The following SLC39A11 variants were observed in gnomAD, a reference collection of about 807,000 sequenced individuals.
SLC39A11 encodes solute carrier family 39 member 11.
A neutral mutation model predicts 36.1 loss-of-function variants in SLC39A11; 33 were observed. That is an observed-to-expected ratio of 0.91 (90% confidence interval 0.69 to 1.22). The LOEUF is 1.22. SLC39A11 is among the 50% of genes most tolerant of loss of function. The pLI, the probability that SLC39A11 is intolerant of heterozygous loss-of-function variation, is 0.00. For missense variants in SLC39A11, 432 were observed against 430.3 expected, an observed-to-expected ratio of 1.00 and a Z score of -0.03; for synonymous variants, 166 against 170.3, an observed-to-expected ratio of 0.97 and a Z score of 0.20.
chr17:72,855,926 T>C (rs949466107), intron 5 of SLC39A11, among the ~76,000 whole-genome samples: 1 of 151,034 alleles, frequency 6.6e-6, no homozygotes, highest in African/African-American at 2.4e-5. Context: ...TAGAAGGGGA[T>C]CAACTTATAT....
intron 4 of SLC39A11, among the ~76,000 whole-genome samples, chr17:73,010,689 G>A (rs1243428777): frequency 1.3e-5 from 2 of 152,094 alleles, no homozygotes; most frequent in African/African-American, 2.4e-5. Flanking sequence ...AGCTTCTTAG[G>A]CAAACATAAT....
chr17:72,692,090 A>G (rs2072057166), intron 7 of SLC39A11, among the ~76,000 whole-genome samples: 1 of 150,694 alleles, frequency 6.6e-6, no homozygotes, highest in South Asian at 2.1e-4. Context: ...GGCTCACTGC[A>G]AGCTCTGCCT....
intron 7 of SLC39A11, among the ~76,000 whole-genome samples, chr17:72,677,952 G>A (rs2071347474): frequency 6.6e-6 from 1 of 152,188 alleles, no homozygotes; most frequent in Non-Finnish European, 1.5e-5. Flanking sequence ...GTGCTCCCGT[G>A]TTCTCCTCTT....
At chr17:72,723,321 A>AGTGT (rs10570164) in intron 7 of SLC39A11, among the ~76,000 whole-genome samples, 257 of 148,554 alleles carry the variant, frequency 1.7e-3, no homozygotes, top group African/African-American at 3.7e-3. Flanking sequence ...GGAGTGTAAG[A>AGTGT]GTGTGTGTGT....
At chr17:73,036,024 C>T (rs922505744) in intron 3 of SLC39A11, among the ~76,000 whole-genome samples, 2 of 152,084 alleles carry the variant, frequency 1.3e-5, no homozygotes, top group African/African-American at 4.8e-5. Flanking sequence ...CCCCAAGATG[C>T]TGAGAAGGCA....
intron 4 of SLC39A11, among the ~76,000 whole-genome samples, chr17:72,968,481 G>A (rs2087187327): frequency 6.6e-6 from 1 of 152,142 alleles, no homozygotes; most frequent in Non-Finnish European, 1.5e-5. Flanking sequence ...AGTGACTAAT[G>A]GTCTTTCAGT....
At chr17:73,043,573 T>C (rs961109484) in intron 3 of SLC39A11, among the ~76,000 whole-genome samples, 3 of 152,122 alleles carry the variant, frequency 2.0e-5, no homozygotes, top group Middle Eastern at 3.4e-3. Flanking sequence ...TTCGGCAGGG[T>C]AACGGAGGCA....
At chr17:72,735,413 C>T (rs1276923108) in intron 7 of SLC39A11, among the ~76,000 whole-genome samples, 2 of 152,110 alleles carry the variant, frequency 1.3e-5, no homozygotes, top group Admixed American at 6.6e-5. Flanking sequence ...GTGAGAAATT[C>T]GTTTCTGACA....
At chr17:72,955,496 A>T (rs1425756620) in intron 4 of SLC39A11, among the ~76,000 whole-genome samples, 1 of 140,020 alleles carries the variant, frequency 7.1e-6, no homozygotes, top group African/African-American at 2.6e-5. Flanking sequence ...TTCAGTAGAG[A>T]TGAGGTTTCA....
At chr17:72,715,366 C>T (rs1290888525) in intron 7 of SLC39A11, among the ~76,000 whole-genome samples, 2 of 152,228 alleles carry the variant, frequency 1.3e-5, no homozygotes, top group Non-Finnish European at 2.9e-5. Flanking sequence ...ACAAGCAGCA[C>T]TATTCACAAG....
At chr17:72,741,824 GT>G (rs1568015334) in intron 6 of SLC39A11, among the ~76,000 whole-genome samples, 1 of 152,128 alleles carries the variant, frequency 6.6e-6, no homozygotes, top group African/African-American at 2.4e-5. Flanking sequence ...CATAACTCAA[GT>G]ATCAGAAAGG....
rs977669104 is a variant in SLC39A11 at position 72,822,788 on chromosome 17, C to T, written c.601+26846G>A. Among the ~76,000 whole-genome samples, 4 of 150,840 alleles carry T rather than the reference C, an allele frequency of 2.7e-5. No individual in the cohort carries two copies. The East Asian group carries it at 7.7e-4, about 29-fold the overall frequency. On this transcript the variant is annotated intron_variant, in intron 6 of 9. Coordinates refer to ENST00000255559, the MANE Select transcript of SLC39A11 (RefSeq NM_139177.4). The stretch of plus-strand genomic sequence containing the variant: ...GGAGTGCAGTGGCACGATCATAGCT[C>T]ACTGCAGCTTCAACCTCCTGGGCTC...
chr17:72,695,416 G>T (rs573326653), intron 7 of SLC39A11, among the ~76,000 whole-genome samples: 1 of 152,336 alleles, frequency 6.6e-6, no homozygotes, highest in East Asian at 1.9e-4. Flanking sequence ...AAAACAGGGC[G>T]CTGCACCCCC....
At chr17:72,977,290 G>A (rs899689353) in intron 4 of SLC39A11, among the ~76,000 whole-genome samples, 1 of 152,178 alleles carries the variant, frequency 6.6e-6, no homozygotes, top group African/African-American at 2.4e-5. Context: ...CCGCAGCCCT[G>A]CTGTATCCTG....
At chr17:72,839,363 T>C (rs1204436159) in intron 6 of SLC39A11, 4 of 152,184 alleles carry the variant, frequency 2.6e-5, no homozygotes, top group African/African-American at 9.7e-5. Context: ...GATATGATTA[T>C]CCTGGATAAT....
chr17:72,865,189 T>C (rs971593539), intron 5 of SLC39A11, among the ~76,000 whole-genome samples: 1 of 152,020 alleles, frequency 6.6e-6, no homozygotes, highest in Non-Finnish European at 1.5e-5. Flanking sequence ...GGGGTGAATA[T>C]GGGTCCCAGG....
intron 5 of SLC39A11, among the ~76,000 whole-genome samples, chr17:72,854,604 T>C (rs575310108): frequency 1.3e-5 from 2 of 152,346 alleles, no homozygotes; most frequent in African/African-American, 4.8e-5. Context: ...CACAGGCTTA[T>C]ACTTCTTTTG....
intron 6 of SLC39A11, among the ~76,000 whole-genome samples, chr17:72,762,842 G>A (rs1239629806): frequency 6.6e-6 from 1 of 152,102 alleles, no homozygotes; most frequent in African/African-American, 2.4e-5. Context: ...CAAGCAGAAT[G>A]CCCAGGCGGT....
At chr17:72,925,123 C>T (rs1192522000) in intron 5 of SLC39A11, among the ~76,000 whole-genome samples, 1 of 151,984 alleles carries the variant, frequency 6.6e-6, no homozygotes, top group Non-Finnish European at 1.5e-5. Flanking sequence ...TCAGGATGGC[C>T]ATGTGGATGC....
Sources: gnomAD v4.1 joint callset for allele counts (sites outside exome capture counted in the v4.1 genomes callset) on GRCh38, gnomAD v4.1.1 for gene constraint, MANE v1.5 for transcripts, NCBI Gene and HGNC (gene_info 2026-07-23, HGNC 2026-07-21) for gene names.